The following RAP1B variants were observed in gnomAD, a reference collection of about 807,000 sequenced individuals.
RAP1B encodes ras-related protein Rap-1b.
A neutral mutation model predicts 27.5 loss-of-function variants in RAP1B; 1 was observed. The ratio of observed to expected loss-of-function variants is 0.04; its 90% CI spans 0.01 to 0.17. The LOEUF is 0.17. Ranked by LOEUF, RAP1B falls within the 10% of genes least tolerant of loss-of-function variation. The pLI, the probability that RAP1B is intolerant of heterozygous loss-of-function variation, is 1.00. For synonymous variants in RAP1B, 75 were observed against 73.1 expected (o/e 1.03, Z -0.13); for missense variants, 84 against 214.8 (o/e 0.39, Z 3.81).
intron 1 of RAP1B, among the ~76,000 whole-genome samples, chr12:68,644,342 G>A (rs1312976379): frequency 3.3e-5 from 5 of 152,152 alleles, no homozygotes; most frequent in Non-Finnish European, 5.9e-5. Flanking sequence ...TGTAATCCCA[G>A]CACTTTGGGA....
At chr12:68,635,689 A>G (rs920757961) in intron 1 of RAP1B, among the ~76,000 whole-genome samples, 1 of 151,908 alleles carries the variant, frequency 6.6e-6, no homozygotes, top group Non-Finnish European at 1.5e-5. Flanking sequence ...TCCTGACCTC[A>G]AGCAATCCAC....
intron 5 of RAP1B, among the ~76,000 whole-genome samples, chr12:68,655,289 A>G (rs946096049): frequency 2.0e-5 from 3 of 152,128 alleles, no homozygotes; most frequent in Non-Finnish European, 4.4e-5. Flanking sequence ...ACTGCACTCC[A>G]TCTAGGGTGA....
rs549794675 is a variant in RAP1B at position 68,669,935 on chromosome 12, C to CTTTTTTTTTTTTTTTTTTTTTTTTTTT, written c.*10706_*10707insTTTTTTTTTTTTTTTTTTTTTTTTTTT. Reference sequence around the variant, plus strand: ...GACAAAAATATATTTCTTTTTCTTTCTTTTTTTTTTTTTTTTTTTTGAGAC... The same window carrying CTTTTTTTTTTTTTTTTTTTTTTTTTTT: ...GACAAAAATATATTTCTTTTTCTTTCTTTTTTTTTTTTTTTTTTTTTTTTTTTTTTTTTTTTTTTTTTTTTTTGAGAC... On this transcript the variant is annotated 3_prime_UTR_variant, in exon 8 of 8. Coordinates refer to ENST00000250559, the MANE Select transcript of RAP1B (RefSeq NM_001010942.3). 1 of 105,384 alleles carries CTTTTTTTTTTTTTTTTTTTTTTTTTTT rather than the reference C, an allele frequency of 9.5e-6. No individual in the cohort carries two copies. Among genetic ancestry groups the CTTTTTTTTTTTTTTTTTTTTTTTTTTT allele is most frequent in the Non-Finnish European group, 1.8e-5 (1 of 55,706 alleles). 6.5% of individuals were successfully genotyped at this position (105,384 alleles called of 1,614,324 possible). A position where few individuals can be genotyped will look rare whatever the true frequency, so the allele number is the denominator to read the frequency against.
chr12:68,641,785 T>C (rs927405036), intron 1 of RAP1B, among the ~76,000 whole-genome samples: 2 of 140,994 alleles, frequency 1.4e-5, no homozygotes, highest in Non-Finnish European at 3.1e-5. Flanking sequence ...TTCCTCTGAA[T>C]CAAAGGTAAA....
intron 1 of RAP1B, among the ~76,000 whole-genome samples, chr12:68,613,476 A>C (rs1224446890): frequency 6.6e-6 from 1 of 151,530 alleles, no homozygotes; most frequent in Non-Finnish European, 1.5e-5. Context: ...CGTGAAAGTC[A>C]TCTCTCTTAC....
chr12:68,631,533 T>C (rs1435804136), intron 1 of RAP1B, among the ~76,000 whole-genome samples: 3 of 152,220 alleles, frequency 2.0e-5, no homozygotes, highest in Admixed American at 1.3e-4. Flanking sequence ...CTCCTTAATC[T>C]TAACTGAAGA....
intron 6 of RAP1B, 74 bp downstream of exon 6, chr12:68,656,523 C>G: frequency 1.4e-6 from 2 of 1,471,224 alleles, no homozygotes; most frequent in Non-Finnish European, 1.9e-6. Flanking sequence ...ATGTCTTAAC[C>G]CCAAGTTAAT....
intron 1 of RAP1B, among the ~76,000 whole-genome samples, chr12:68,635,070 T>A (rs1872539896): frequency 6.6e-6 from 1 of 152,216 alleles, no homozygotes; most frequent in Non-Finnish European, 1.5e-5. Flanking sequence ...TTGGAAACAT[T>A]TTCCATGTGT....
At chr12:68,636,499 C>G (rs1872641710) in intron 1 of RAP1B, among the ~76,000 whole-genome samples, 1 of 152,214 alleles carries the variant, frequency 6.6e-6, no homozygotes, top group South Asian at 2.1e-4. Context: ...GCAGTCATAG[C>G]TCACTGTAAC....
intron 1 of RAP1B, among the ~76,000 whole-genome samples, chr12:68,641,511 T>C (rs1736064226): frequency 6.6e-6 from 1 of 152,224 alleles, no homozygotes; most frequent in Admixed American, 6.5e-5. Flanking sequence ...GAAAAAGTTG[T>C]AGAAGTAATA....
chr12:68,654,967 T>C (rs1874096537), intron 5 of RAP1B, among the ~76,000 whole-genome samples: 1 of 152,018 alleles, frequency 6.6e-6, no homozygotes, highest in Non-Finnish European at 1.5e-5. Flanking sequence ...ACCCAGGAAT[T>C]TGCATTTCTA....
At chr12:68,629,921 AC>A (rs1241283417) in intron 1 of RAP1B, among the ~76,000 whole-genome samples, 1 of 152,186 alleles carries the variant, frequency 6.6e-6, no homozygotes, top group African/African-American at 2.4e-5. Context: ...TTTTTGTAAA[AC>A]CATCAGACAA....
chr12:68,644,279 T>C (rs1047034122), intron 1 of RAP1B, among the ~76,000 whole-genome samples: 2 of 152,198 alleles, frequency 1.3e-5, no homozygotes, highest in Non-Finnish European at 2.9e-5. Flanking sequence ...TACATGTTTT[T>C]GAGCTAGTAG....
At chr12:68,615,327 A>C (rs1870906070) in intron 1 of RAP1B, among the ~76,000 whole-genome samples, 1 of 152,138 alleles carries the variant, frequency 6.6e-6, no homozygotes, top group Non-Finnish European at 1.5e-5. Context: ...TTTTAATTTA[A>C]ATTCCCTAAA....
rs116806642 is a variant in RAP1B at position 68,627,479 on chromosome 12, A to G, written c.-27+16436A>G. ...ATAAATGGTTTGGTAGCCAACCACT[A>G]CTTTAAAATTGATTAGGTCTCCCGG... On this transcript the variant is annotated intron_variant, in intron 1 of 7. Coordinates refer to ENST00000250559, the MANE Select transcript of RAP1B (RefSeq NM_001010942.3). 1,466 of 283,258 alleles carry G rather than the reference A, an allele frequency of 5.2e-3. 26 individuals are homozygous for G. Among genetic ancestry groups the G allele is most frequent in the African/African-American group, 0.03 (1,366 of 45,922 alleles). The allele number at this position is 283,258 out of a possible 1,614,324, so 17.5% of individuals were successfully genotyped here. A position where few individuals can be genotyped will look rare whatever the true frequency, so the allele number is the denominator to read the frequency against.
chr12:68,623,633 A>G (rs928729295), intron 1 of RAP1B, among the ~76,000 whole-genome samples: 56 of 152,350 alleles, frequency 3.7e-4, no homozygotes, highest in African/African-American at 1.3e-3. Context: ...GCTCAGGTGA[A>G]GTTTTGCCAT....
At position 68,622,584 on chromosome 12, in the gene RAP1B, A is replaced by G. The variant is rs1453927914; in HGVS notation, c.-27+11541A>G. On this transcript the variant is annotated intron_variant, in intron 1 of 7. Transcript: ENST00000250559. ...ATCTCAGTTCAGATGTCACATTTAC[A>G]GAGTTTTTTCCTGATCACCTTATAT... Among the ~76,000 whole-genome samples the G allele has an allele frequency of 2.0e-5, 3 of 152,332 alleles. No individual in the cohort carries two copies. In the East Asian group the frequency reaches 5.8e-4, roughly 29 times the overall value.
chr12:68,653,217 AAG>A lies in RAP1B; in HGVS notation c.184-893_184-892del, dbSNP rs558026322. On this transcript the variant is annotated intron_variant, in intron 4 of 7. Transcript: ENST00000250559. ...GAGTGAGACTCCATTTCAAAAGAAAAAGAAATATTTTGATTGGTATCTGTTCT... is the reference window on the plus strand; with the variant it reads ...GAGTGAGACTCCATTTCAAAAGAAAAAAATATTTTGATTGGTATCTGTTCT... Among the ~76,000 whole-genome samples the A allele has an allele frequency of 3.3e-5, 5 of 152,294 alleles. No individual in the cohort carries two copies. In the South Asian group the frequency reaches 6.2e-4, roughly 19 times the overall value.
At chr12:68,656,203 C>A in intron 5 of RAP1B, 103 bp from the exon 6 acceptor site, 2 of 985,924 alleles carry the variant, frequency 2.0e-6, no homozygotes, top group Non-Finnish European at 3.0e-6. Context: ...TTTTTTGTGG[C>A]ATATGAAAAG....
Sources: allele counts gnomAD v4.1 joint callset (sites outside exome capture counted in the v4.1 genomes callset), GRCh38; gene constraint gnomAD v4.1.1; transcripts MANE v1.5; gene names NCBI Gene and HGNC (gene_info 2026-07-23, HGNC 2026-07-21).